Variants in SOAT1 observed in about 807,000 individuals in gnomAD.
The protein encoded by SOAT1 is sterol O-acyltransferase 1.
SOAT1 carries 55 observed loss-of-function variants against 69.5 expected under a neutral mutation model. The observed-to-expected ratio is 0.79, with a 90% CI of 0.64 to 0.99. The LOEUF (loss-of-function observed/expected upper bound fraction) is 0.99. SOAT1 is among the 50% of genes least tolerant of loss of function. The pLI is 0.00. For missense variants in SOAT1, 580 were observed against 669.3 expected (o/e 0.87, Z 1.47); for synonymous variants, 231 against 224.7 (o/e 1.03, Z -0.25).
chr1:179,301,322 G>A (rs73046677), intron 1 of SOAT1, among the ~76,000 whole-genome samples: 1,950 of 152,260 alleles, frequency 0.013, 62 homozygotes, highest in African/African-American at 0.045. Context: ...TCTCACCACT[G>A]CCTTCCTGAA....
At chr1:179,342,513 C>A (rs558434654) in intron 8 of SOAT1, among the ~76,000 whole-genome samples, 1 of 151,870 alleles carries the variant, frequency 6.6e-6, no homozygotes, top group African/African-American at 2.4e-5. Flanking sequence ...CTGACTATTC[C>A]GGCTTTGCCC....
chr1:179,345,746 C>T (rs1216631835), intron 11 of SOAT1, among the ~76,000 whole-genome samples: 1 of 151,956 alleles, frequency 6.6e-6, no homozygotes, highest in Non-Finnish European at 1.5e-5. Context: ...GACGGGGTCT[C>T]CCTATGTTGC....
rs374257853 is a variant in SOAT1 at position 179,353,104 on chromosome 1, TATATATA to T, written c.1597-473_1597-467del. On this transcript the variant is annotated intron_variant, in intron 15 of 15. Transcript: ENST00000367619. ...TATATATTAGTCATTTATATATGTG[TATATATA>T]ATATATATTTATATTTATATATTTA... 9.0e-3 allele frequency among the ~76,000 whole-genome samples: 1,251 copies of T among 138,468 alleles called. 29 individuals carry two copies. The highest frequency in any genetic ancestry group is 0.032 in the African/African-American group (1,192 of 37,644). 90.8% of individuals were successfully genotyped at this position (138,468 alleles called of 152,430 possible).
At chr1:179,346,389 A>T (rs1666534528) in intron 11 of SOAT1, among the ~76,000 whole-genome samples, 9 of 152,238 alleles carry the variant, frequency 5.9e-5, no homozygotes, top group Admixed American at 5.9e-4. Context: ...AATATGTACT[A>T]CATAAGTAGG....
At position 179,356,251 on chromosome 1, in the gene SOAT1, A is replaced by G. The variant is rs376207900; in HGVS notation, c.*2610A>G. 19 of 152,300 alleles carry G rather than the reference A, an allele frequency of 1.2e-4. No homozygotes were observed. The highest frequency in any genetic ancestry group is 4.1e-4 in the African/African-American group (17 of 41,578). 9.4% of individuals were successfully genotyped at this position (152,300 alleles called of 1,614,324 possible). A position where few individuals can be genotyped will look rare whatever the true frequency, so the allele number is the denominator to read the frequency against. ...GGGCATATTAACCAACAGAACAATTATGTAGTATGTATATCACTTTCTCAT... is the reference window on the plus strand; with the variant it reads ...GGGCATATTAACCAACAGAACAATTGTGTAGTATGTATATCACTTTCTCAT... On this transcript the variant is annotated 3_prime_UTR_variant, in exon 16 of 16. Coordinates refer to ENST00000367619, the MANE Select transcript of SOAT1 (RefSeq NM_003101.6).
At position 179,321,235 on chromosome 1, in the gene SOAT1, G is replaced by A. The variant is rs549175198; in HGVS notation, c.119-2202G>A. Among the ~76,000 whole-genome samples the A allele has an allele frequency of 3.3e-5, 5 of 152,076 alleles. 1 individual carries two copies. The highest frequency in any genetic ancestry group is 1.9e-4 in the East Asian group (1 of 5,174). On this transcript the variant is annotated intron_variant, in intron 2 of 15. Coordinates refer to ENST00000367619, the MANE Select transcript of SOAT1 (RefSeq NM_003101.6). ...ACTCACATTCTTGGACATAATCTTT[G>A]TCATCCTTTGCAATCATTTCTGGTT...
chr1:179,353,720 C>T lies in SOAT1; in HGVS notation c.*79C>T. 8.4e-7 allele frequency: 1 copy of T among 1,191,110 alleles called. No individual in the cohort carries two copies. Among genetic ancestry groups the T allele is most frequent in the Non-Finnish European group, 1.2e-6 (1 of 801,062 alleles). 73.8% of individuals were successfully genotyped at this position (1,191,110 alleles called of 1,614,324 possible). On this transcript the variant is annotated 3_prime_UTR_variant, in exon 16 of 16. Transcript: ENST00000367619. ...TGGAGCCAGCTGTTTCCAGTTGTTA[C>T]TGAAGTTATCTGTGTTATTTGGACC... is the stretch of plus-strand genomic sequence containing the variant.
intron 1 of SOAT1, among the ~76,000 whole-genome samples, chr1:179,299,652 C>T (rs958812137): frequency 6.7e-6 from 1 of 150,062 alleles, no homozygotes; most frequent in African/African-American, 2.5e-5. Context: ...TGTTATTATT[C>T]TACTTTGAGA....
intron 11 of SOAT1, among the ~76,000 whole-genome samples, chr1:179,345,608 T>G (rs1477409123): frequency 1.3e-5 from 2 of 151,914 alleles, no homozygotes; most frequent in Non-Finnish European, 2.9e-5. Flanking sequence ...TGTCACCCAG[T>G]CTGAATGCAG....
At chr1:179,297,858 A>G (rs1046271503) in intron 1 of SOAT1, among the ~76,000 whole-genome samples, 3 of 151,492 alleles carry the variant, frequency 2.0e-5, no homozygotes, top group Non-Finnish European at 2.9e-5. Flanking sequence ...AAAATACAAA[A>G]TTAGCTGGGT....
chr1:179,342,988 G>A (rs764896120), intron 9 of SOAT1, 45 bp downstream of exon 9: 1 of 1,470,580 alleles, frequency 6.8e-7, no homozygotes, highest in African/African-American at 1.4e-5. Flanking sequence ...CCAAAAGTGT[G>A]GCATGAGTGA....
chr1:179,318,131 G>A (rs1407348260), intron 2 of SOAT1, among the ~76,000 whole-genome samples: 1 of 151,900 alleles, frequency 6.6e-6, no homozygotes, highest in East Asian at 1.9e-4. Context: ...AGTGTTAGAG[G>A]CTGCAGTGAG....
chr1:179,307,653 C>T (rs1383178104), intron 2 of SOAT1, among the ~76,000 whole-genome samples: 1 of 152,158 alleles, frequency 6.6e-6, no homozygotes, highest in Non-Finnish European at 1.5e-5. Flanking sequence ...TTGTCATTGA[C>T]TGATGACCTA....
chr1:179,339,776 A>G (rs975745186), intron 6 of SOAT1, among the ~76,000 whole-genome samples: 15 of 152,260 alleles, frequency 9.9e-5, no homozygotes, highest in South Asian at 8.3e-4. Context: ...AGTAATTTCT[A>G]GGTAATTTTC....
intron 2 of SOAT1, among the ~76,000 whole-genome samples, chr1:179,314,853 A>G (rs111905724): frequency 6.4e-4 from 97 of 152,338 alleles, no homozygotes; most frequent in African/African-American, 2.2e-3. Flanking sequence ...TAAGTATAGC[A>G]GGTTTTAAAA....
At chr1:179,298,337 C>T (rs1664723780) in intron 1 of SOAT1, among the ~76,000 whole-genome samples, 1 of 152,130 alleles carries the variant, frequency 6.6e-6, no homozygotes, top group Admixed American at 6.5e-5. Flanking sequence ...ATCTGCCCAC[C>T]TCGGCCTCCC....
intron 7 of SOAT1, 85 bp from the exon 8 acceptor site, chr1:179,342,029 C>G: frequency 3.3e-6 from 5 of 1,530,200 alleles, no homozygotes; most frequent in Non-Finnish European, 4.4e-6. Flanking sequence ...ACTTTACTGG[C>G]TATCTATAAT....
At chr1:179,307,624 T>C (rs767745769) in intron 2 of SOAT1, among the ~76,000 whole-genome samples, 7 of 152,086 alleles carry the variant, frequency 4.6e-5, no homozygotes, top group African/African-American at 7.2e-5. Context: ...AAATAGGACT[T>C]GAAGTCTTAC....
intron 3 of SOAT1, among the ~76,000 whole-genome samples, chr1:179,326,926 A>C (rs986838586): frequency 6.6e-6 from 1 of 152,208 alleles, no homozygotes; most frequent in African/African-American, 2.4e-5. Context: ...AGGATGGCAT[A>C]TAGAGTTTAG....
Sources: allele counts gnomAD v4.1 joint callset (sites outside exome capture counted in the v4.1 genomes callset), GRCh38; gene constraint gnomAD v4.1.1; transcripts MANE v1.5; gene names NCBI Gene and HGNC (gene_info 2026-07-23, HGNC 2026-07-21).